SRC: variants seen among roughly 807,000 people sequenced by gnomAD.
SRC encodes the protein SRC proto-oncogene, non-receptor tyrosine kinase.
SRC carries 13 observed loss-of-function variants against 62.9 expected under a neutral mutation model. The observed-to-expected ratio is 0.21, with a 90% CI of 0.13 to 0.33. The LOEUF is 0.33. Ranked by LOEUF, SRC falls within the 10% of genes least tolerant of loss-of-function variation. The probability of loss-of-function intolerance (pLI) is 1.00; values close to 1 mark genes in which losing one functional copy is unlikely to be tolerated. For missense variants in SRC, 457 were observed against 737.3 expected, an observed-to-expected ratio of 0.62 and a Z score of 4.40; for synonymous variants, 302 against 317.5, an observed-to-expected ratio of 0.95 and a Z score of 0.52.
At chr20:37,381,600 C>T (rs753796203) in intron 2 of SRC, among the ~76,000 whole-genome samples, 12 of 152,166 alleles carry the variant, frequency 7.9e-5, no homozygotes, top group Non-Finnish European at 1.5e-4. Flanking sequence ...CTGGCTAATT[C>T]GTCTCTATGT....
chr20:37,371,681 ATCTT>A (rs1165844455), intron 2 of SRC, among the ~76,000 whole-genome samples: 3 of 151,720 alleles, frequency 2.0e-5, no homozygotes, highest in Non-Finnish European at 4.4e-5. Context: ...TTGATTTGAA[ATCTT>A]TCTTATTTTT....
intron 2 of SRC, among the ~76,000 whole-genome samples, chr20:37,368,762 G>A (rs1378844242): frequency 6.6e-6 from 1 of 151,092 alleles, no homozygotes; most frequent in African/African-American, 2.4e-5. Flanking sequence ...CGTTTTAGCC[G>A]GGATGGTCTC....
At chr20:37,349,293 G>A (rs1297514913) in intron 1 of SRC, among the ~76,000 whole-genome samples, 1 of 152,196 alleles carries the variant, frequency 6.6e-6, no homozygotes, top group African/African-American at 2.4e-5. Context: ...CAAGGCTGGA[G>A]AGGATGAGAG....
chr20:37,346,829 C>CA (rs2069730370), intron 1 of SRC, among the ~76,000 whole-genome samples: 1 of 152,228 alleles, frequency 6.6e-6, no homozygotes, highest in Non-Finnish European at 1.5e-5. Flanking sequence ...CCCCTGCCCA[C>CA]AGCCCCCAGC....
At position 37,392,307 on chromosome 20, in the gene SRC, C is replaced by T. The variant is rs538213128; in HGVS notation, c.351-1588C>T. Among the ~76,000 whole-genome samples, 106 of 152,308 alleles carry T rather than the reference C, an allele frequency of 7.0e-4. 3 individuals are homozygous for T. In the South Asian group the frequency reaches 0.021, roughly 30 times the overall value. ...CCAGTGTCTCAGGTGCTCACCTGTC[C>T]TCCGACAGGTCCCTGGAGAGCTCCC... is the stretch of plus-strand genomic sequence containing the variant. On this transcript the variant is annotated intron_variant, in intron 5 of 13. Transcript: ENST00000373578.
intron 2 of SRC, among the ~76,000 whole-genome samples, chr20:37,365,910 G>A (rs1022199343): frequency 6.6e-6 from 1 of 151,416 alleles, no homozygotes; most frequent in Non-Finnish European, 1.5e-5. Flanking sequence ...TTAGACAAAT[G>A]ATAGCACACA....
At chr20:37,360,752 T>G (rs909127969) in intron 1 of SRC, among the ~76,000 whole-genome samples, 2 of 152,218 alleles carry the variant, frequency 1.3e-5, no homozygotes, top group Non-Finnish European at 2.9e-5. Flanking sequence ...TTTTGACTGA[T>G]AGCAAACACT....
intron 1 of SRC, among the ~76,000 whole-genome samples, chr20:37,349,716 G>A (rs549354013): frequency 6.6e-6 from 1 of 152,284 alleles, no homozygotes; most frequent in South Asian, 2.1e-4. Context: ...TGAAGGTGCC[G>A]GTTGGGGCAG....
chr20:37,394,108 G>C (rs2070598252), intron 6 of SRC, 66 bp from the exon 7 acceptor site: 6 of 1,569,254 alleles, frequency 3.8e-6, no homozygotes, highest in African/African-American at 1.3e-5. Flanking sequence ...CCATATCCAG[G>C]GAGAAGCACT....
chr20:37,370,337 G>A (rs1191439674), intron 2 of SRC, among the ~76,000 whole-genome samples: 1 of 152,256 alleles, frequency 6.6e-6, no homozygotes, highest in Non-Finnish European at 1.5e-5. Flanking sequence ...CACTTTGGGA[G>A]ACCAAGGCGG....
At chr20:37,394,577 T>C (rs1235634021) in intron 7 of SRC, among the ~76,000 whole-genome samples, 1 of 152,010 alleles carries the variant, frequency 6.6e-6, no homozygotes, top group Non-Finnish European at 1.5e-5. Context: ...GTTCCCAGGG[T>C]AGGTGCTGCT....
chr20:37,354,080 A>G (rs1304352097), intron 1 of SRC, among the ~76,000 whole-genome samples: 1 of 152,208 alleles, frequency 6.6e-6, no homozygotes, highest in Admixed American at 6.5e-5. Context: ...CTGGGGAAGA[A>G]GGGAAAGACC....
intron 5 of SRC, among the ~76,000 whole-genome samples, chr20:37,387,881 A>G (rs747131823): frequency 1.2e-4 from 18 of 152,146 alleles, no homozygotes; most frequent in Admixed American, 2.6e-4. Flanking sequence ...GCATCACCAT[A>G]GCCTCGAGAA....
At chr20:37,366,875 C>T (rs77360312) in intron 2 of SRC, among the ~76,000 whole-genome samples, 7,559 of 152,120 alleles carry the variant, frequency 0.05, 268 homozygotes, top group Non-Finnish European at 0.061. Flanking sequence ...TCATTTCTTT[C>T]GAGTGTGTAC....
At chr20:37,358,878 G>A (rs1362797179) in intron 1 of SRC, among the ~76,000 whole-genome samples, 1 of 152,276 alleles carries the variant, frequency 6.6e-6, no homozygotes, top group Non-Finnish European at 1.5e-5. Context: ...GAGCCGGTTT[G>A]AGTCTACTGT....
rs139957962 is a variant in SRC, at chr20:37,352,285, G to GC, written c.-247+6032dup. Reference sequence around the variant, plus strand: ...CAGGAAGTGCATGATATTTATGAGTGCCTGTTAGAAAGGTGATTCCCTGAT... The same window carrying GC: ...CAGGAAGTGCATGATATTTATGAGTGCCCTGTTAGAAAGGTGATTCCCTGAT... On this transcript the variant is annotated intron_variant, in intron 1 of 13. Transcript: ENST00000373578. Among the ~76,000 whole-genome samples, 823 of 152,346 alleles carry GC rather than the reference G, an allele frequency of 5.4e-3. 14 individuals carry two copies. The highest frequency in any genetic ancestry group is 0.019 in the African/African-American group (783 of 41,570).
intron 2 of SRC, among the ~76,000 whole-genome samples, chr20:37,368,518 C>CTTTTTTTTTTTTTTTGTTTTTTTTTGTTT (rs2070103202): frequency 2.7e-5 from 2 of 73,896 alleles, no homozygotes; most frequent in Admixed American, 2.1e-4. Flanking sequence ...CCTATATTTT[C>CTTTTTTTTTTTTTTTGTTTTTTTTTGTTT]TTTTTTTTTT....
At chr20:37,367,749 C>T (rs1245644736) in intron 2 of SRC, among the ~76,000 whole-genome samples, 1 of 151,924 alleles carries the variant, frequency 6.6e-6, no homozygotes, top group African/African-American at 2.4e-5. Flanking sequence ...TGGGCTCAAG[C>T]AATCCTCCCA....
intron 2 of SRC, among the ~76,000 whole-genome samples, chr20:37,374,322 C>A (rs559700810): frequency 2.0e-5 from 3 of 152,024 alleles, no homozygotes; most frequent in Admixed American, 1.3e-4. Context: ...TCATGATCTC[C>A]CCACCTCGGC....
Sources: gnomAD v4.1 joint callset for allele counts (sites outside exome capture counted in the v4.1 genomes callset) on GRCh38, gnomAD v4.1.1 for gene constraint, MANE v1.5 for transcripts, NCBI Gene and HGNC (gene_info 2026-07-23, HGNC 2026-07-21) for gene names.